The following PID1 variants were observed in gnomAD, a reference collection of about 807,000 sequenced individuals.
The protein encoded by PID1 is PTB-containing, cubilin and LRP1-interacting protein.
Under a neutral mutation model 19.1 loss-of-function variants are expected in PID1, and 10 were observed. That is an observed-to-expected ratio of 0.52 (90% CI 0.32 to 0.89). The LOEUF is 0.89. Among genes scored for constraint, PID1 ranks in the 40% least tolerant of loss-of-function variants. The probability of loss-of-function intolerance (pLI) is 0.03; values close to 1 mark genes in which losing one functional copy is unlikely to be tolerated. For missense variants in PID1, 248 were observed against 285.3 expected, an observed-to-expected ratio of 0.87 and a Z score of 0.94; for synonymous variants, 130 against 116.0, an observed-to-expected ratio of 1.12 and a Z score of -0.78.
chr2:229,134,610 A>G (rs559530533), intron 2 of PID1, among the ~76,000 whole-genome samples: 41 of 152,312 alleles, frequency 2.7e-4, no homozygotes, highest in Admixed American at 2.4e-3. Flanking sequence ...TAAAAAAAGT[A>G]CAAAGAAAAA....
intron 1 of PID1, among the ~76,000 whole-genome samples, chr2:229,165,561 C>T (rs1690579817): frequency 6.6e-6 from 1 of 151,284 alleles, no homozygotes; most frequent in Non-Finnish European, 1.5e-5. Context: ...GCCTGGGTGA[C>T]AGAGCGAGAC....
intron 1 of PID1, chr2:229,228,110 ATCCAAGAGAAT>A: frequency 2.2e-6 from 1 of 451,016 alleles, no homozygotes; most frequent in Non-Finnish European, 4.5e-6. Flanking sequence ...AACACACCAA[ATCCAAGAGAAT>A]CGAGATAAAG....
At chr2:229,120,676 A>G (rs987781813) in intron 2 of PID1, among the ~76,000 whole-genome samples, 2 of 151,684 alleles carry the variant, frequency 1.3e-5, no homozygotes, top group African/African-American at 4.8e-5. Context: ...AATCATTGTC[A>G]TGGTTTGGAT....
intron 1 of PID1, among the ~76,000 whole-genome samples, chr2:229,168,779 A>T (rs1690653366): frequency 6.6e-6 from 1 of 152,100 alleles, no homozygotes; most frequent in Non-Finnish European, 1.5e-5. Context: ...ATCATGTCCA[A>T]TATAGTCTAA....
chr2:229,053,835 G>C (rs976995630), intron 2 of PID1, among the ~76,000 whole-genome samples: 4 of 152,212 alleles, frequency 2.6e-5, no homozygotes, highest in Non-Finnish European at 4.4e-5. Flanking sequence ...ATCAGGGAGA[G>C]CCCAATCAGT....
intron 1 of PID1, among the ~76,000 whole-genome samples, chr2:229,161,840 C>T (rs940193268): frequency 6.6e-6 from 1 of 152,184 alleles, no homozygotes; most frequent in African/African-American, 2.4e-5. Flanking sequence ...AGTTCTGTGG[C>T]CTTGTACTTC....
Position 229,219,954 on chromosome 2 carries a change from G to A in PID1, c.30+51060C>T, listed in dbSNP as rs575600740. Among the ~76,000 whole-genome samples the A allele has an allele frequency of 3.3e-5, 5 of 152,138 alleles. No homozygotes were observed. In the South Asian group the frequency reaches 8.3e-4, roughly 25 times the overall value. On this transcript the variant is annotated intron_variant, in intron 1 of 2. Transcript: ENST00000392055. ...CTAAGAATAAAAATGTGGGAACACT[G>A]AGCTAAGCACTGTATATATGTGATC...
intron 1 of PID1, among the ~76,000 whole-genome samples, chr2:229,235,926 G>A (rs562195871): frequency 6.6e-6 from 1 of 152,316 alleles, no homozygotes; most frequent in East Asian, 1.9e-4. Context: ...GCAAAAAGCA[G>A]CTTGTGGCAA....
chr2:229,149,711 G>T (rs375370296), intron 2 of PID1, among the ~76,000 whole-genome samples: 2 of 152,188 alleles, frequency 1.3e-5, no homozygotes, highest in Non-Finnish European at 2.9e-5. Flanking sequence ...GAAGATGACC[G>T]TAGCGGCTTT....
intron 2 of PID1, among the ~76,000 whole-genome samples, chr2:229,151,499 C>A (rs780157521): frequency 1.7e-4 from 26 of 152,054 alleles, no homozygotes; most frequent in Non-Finnish European, 3.5e-4. Flanking sequence ...GTGCTTAATG[C>A]ATTAATTAAC....
intron 1 of PID1, among the ~76,000 whole-genome samples, chr2:229,235,495 GTT>G (rs5839317): frequency 2.6e-5 from 4 of 151,122 alleles, no homozygotes; most frequent in African/African-American, 4.8e-5. Context: ...ATGTTTATGT[GTT>G]TTTTTTTTCT....
intron 2 of PID1, among the ~76,000 whole-genome samples, chr2:229,085,394 G>C (rs1432783202): frequency 3.9e-5 from 6 of 152,100 alleles, no homozygotes; most frequent in Admixed American, 6.6e-5. Context: ...TTTCAAGTCA[G>C]GAAAGTCATT....
chr2:229,226,925 G>T (rs1459840262), intron 1 of PID1, among the ~76,000 whole-genome samples: 1 of 152,048 alleles, frequency 6.6e-6, no homozygotes, highest in African/African-American at 2.4e-5. Context: ...GGGGTGTTTA[G>T]AATTTTTTTA....
chr2:229,175,155 A>C (rs1292924615), intron 1 of PID1, among the ~76,000 whole-genome samples: 2 of 152,198 alleles, frequency 1.3e-5, no homozygotes, highest in Non-Finnish European at 2.9e-5. Context: ...AACAGAAAAA[A>C]AGTTCTTGTT....
chr2:229,038,013 G>C lies in PID1; in HGVS notation c.178-11905C>G, dbSNP rs143980711. On this transcript the variant is annotated intron_variant, in intron 2 of 2. Transcript: ENST00000392055. Reference sequence around the variant, plus strand: ...TTTTCCTTCGTGCACAACTCATTAGGAATGGATCACAGAAGGCACTAAACA... The same window carrying C: ...TTTTCCTTCGTGCACAACTCATTAGCAATGGATCACAGAAGGCACTAAACA... Among the ~76,000 whole-genome samples, 144 of 152,222 alleles carry C rather than the reference G, an allele frequency of 9.5e-4. 1 individual carries two copies. The East Asian group carries it at 0.027, about 29-fold the overall frequency.
intron 2 of PID1, among the ~76,000 whole-genome samples, chr2:229,143,512 T>C (rs1690062251): frequency 6.6e-6 from 1 of 152,012 alleles, no homozygotes; most frequent in South Asian, 2.1e-4. Context: ...CCCACAACCA[T>C]TAACTGGATG....
chr2:229,057,026 G>A (rs910021865), intron 2 of PID1, among the ~76,000 whole-genome samples: 1 of 37,728 alleles, frequency 2.7e-5, no homozygotes, highest in East Asian at 1.6e-3. Flanking sequence ...TATCATAAGA[G>A]AAAGAAATTT....
intron 1 of PID1, among the ~76,000 whole-genome samples, chr2:229,222,364 T>G (rs1446188940): frequency 6.6e-6 from 1 of 152,232 alleles, no homozygotes; most frequent in Non-Finnish European, 1.5e-5. Flanking sequence ...CCAATCTACA[T>G]GTGGACATGT....
chr2:229,154,613 A>G (rs1690327583), intron 2 of PID1, among the ~76,000 whole-genome samples: 1 of 152,152 alleles, frequency 6.6e-6, no homozygotes, highest in South Asian at 2.1e-4. Context: ...TACCACCATC[A>G]CCCAAGATCG....
Sources: gnomAD v4.1 joint callset for allele counts (sites outside exome capture counted in the v4.1 genomes callset) on GRCh38, gnomAD v4.1.1 for gene constraint, MANE v1.5 for transcripts, NCBI Gene and HGNC (gene_info 2026-07-23, HGNC 2026-07-21) for gene names.